WDR27: variants seen among roughly 807,000 people sequenced by gnomAD.
The protein encoded by WDR27 is WD repeat domain 27, also known as WD repeat-containing protein 27.
WDR27 carries 100 observed loss-of-function variants against 114.4 expected under a neutral mutation model. The ratio of observed to expected loss-of-function variants is 0.87; its 90% CI spans 0.74 to 1.03. The LOEUF is 1.03. Among genes scored for constraint, WDR27 ranks in the 50% least tolerant of loss-of-function variants. The probability of loss-of-function intolerance (pLI) is 0.00; values close to 1 mark genes in which losing one functional copy is unlikely to be tolerated. For synonymous variants in WDR27, 449 were observed against 423.1 expected, an observed-to-expected ratio of 1.06 and a Z score of -0.75; for missense variants, 1,129 against 1,092.9, an observed-to-expected ratio of 1.03 and a Z score of -0.47.
chr6:169,597,340 T>C (rs989133773), intron 23 of WDR27, among the ~76,000 whole-genome samples: 9 of 152,174 alleles, frequency 5.9e-5, no homozygotes, highest in South Asian at 4.1e-4. Context: ...ATTATGTTTT[T>C]TTTTCTTGAT....
chr6:169,683,815 A>G (rs1020102102), intron 2 of WDR27, among the ~76,000 whole-genome samples: 2 of 152,230 alleles, frequency 1.3e-5, no homozygotes, highest in African/African-American at 4.8e-5. Flanking sequence ...GGAGAATCCC[A>G]CAGTCCCTGC....
Position 169,638,564 on chromosome 6 carries a change from C to T in WDR27, c.1844G>A (p.Arg615His), listed in dbSNP as rs144128801. 3.8e-5 allele frequency: 62 copies of T among 1,610,822 alleles called. No individual in the cohort carries two copies. The South Asian group carries it at 4.4e-4, about 11-fold the overall frequency. ...CAGAAGCAGTGCGAGCTCTGCCCCA[C>T]GAGCCGACCACATTCGCAGGGTCCC... is the stretch of plus-strand genomic sequence containing the variant. Reference protein sequence around the residue: ...RDGTLRMWSARGAELALLLGK... With the variant: ...RDGTLRMWSAHGAELALLLGK... The change falls in exon 18 of 26, where the codon CGT (arginine) becomes CAT (histidine). Residue 615 changes from arginine to histidine, a missense_variant. Coordinates refer to ENST00000448612, the MANE Select transcript of WDR27 (RefSeq NM_182552.5).
intron 25 of WDR27, among the ~76,000 whole-genome samples, chr6:169,504,334 CAAGGGTAG>C (rs1791730209): frequency 6.6e-6 from 1 of 152,144 alleles, no homozygotes; most frequent in East Asian, 1.9e-4. Flanking sequence ...GTCCATGTGT[CAAGGGTAG>C]GACCAGGTGG....
chr6:169,659,265 C>A lies in WDR27; in HGVS notation c.1198-58G>T. 1.3e-6 allele frequency: 2 copies of A among 1,558,492 alleles called. No homozygotes were observed. The highest frequency in any genetic ancestry group is 1.2e-5 in the South Asian group (1 of 82,234). ...CACCACCCAGTAAAAGCAGACGAAA[C>A]GTGCATCCGCACACGTATCCTAACA... On this transcript the variant is annotated intron_variant, in intron 11 of 25. Transcript: ENST00000448612. This position sits in a 1 kb window ranked among gnomAD's most constrained non-coding sequence, Gnocchi z 4.3.
At chr6:169,487,573 A>G (rs1789104745) in intron 25 of WDR27, among the ~76,000 whole-genome samples, 1 of 152,206 alleles carries the variant, frequency 6.6e-6, no homozygotes, top group Non-Finnish European at 1.5e-5. Flanking sequence ...AGATATTGGC[A>G]TATAACCCAA....
At chr6:169,426,805 G>T in the WDR27 span, 1 of 152,692 alleles carries the variant, frequency 6.5e-6, no homozygotes. Flanking sequence ...GGACACAGAG[G>T]TGTGAGGGGC....
chr6:169,510,910 T>A lies in WDR27; in HGVS notation c.2646-53276A>T, dbSNP rs11961224. Among the ~76,000 whole-genome samples, 2 of 152,164 alleles carry A rather than the reference T, an allele frequency of 1.3e-5. 1 individual carries two copies. Among genetic ancestry groups the A allele is most frequent in the East Asian group, 3.9e-4 (2 of 5,194 alleles). On this transcript the variant is annotated intron_variant, in intron 25 of 25. Transcript: ENST00000448612. The stretch of plus-strand genomic sequence containing the variant: ...TTTCTTAGTGAATTCAACCTAAGAT[T>A]ACAAGGCAAAAAAAATATATATGCA...
chr6:169,590,565 G>A (rs1228724359), intron 23 of WDR27, among the ~76,000 whole-genome samples: 1 of 152,208 alleles, frequency 6.6e-6, no homozygotes, highest in Non-Finnish European at 1.5e-5. Context: ...GGCACGCAGG[G>A]CCACCTGGCC....
At chr6:169,655,896 G>A (rs996055641) in intron 13 of WDR27, among the ~76,000 whole-genome samples, 6 of 152,116 alleles carry the variant, frequency 3.9e-5, no homozygotes, top group Admixed American at 1.3e-4. Flanking sequence ...AATTTTTCTT[G>A]TATTTTTAGT....
Position 169,702,027 on chromosome 6 carries a change from G to A in WDR27, c.-484C>T. ...CAGCCGACCCACGCGAGCCGCTATG[G>A]TTACTAGCCCGCCGCCCCTCGCGCC... On this transcript the variant is annotated 5_prime_UTR_variant, in exon 1 of 26. Coordinates refer to ENST00000448612, the MANE Select transcript of WDR27 (RefSeq NM_182552.5). The A allele has an allele frequency of 2.2e-6, 1 of 455,864 alleles. No individual in the cohort carries two copies. Among genetic ancestry groups the A allele is most frequent in the East Asian group, 6.8e-5 (1 of 14,774 alleles). The allele number at this position is 455,864 out of a possible 1,614,324, so 28.2% of individuals were successfully genotyped here.
At chr6:169,631,957 C>G (rs1180870708) in intron 21 of WDR27, among the ~76,000 whole-genome samples, 1 of 152,072 alleles carries the variant, frequency 6.6e-6, no homozygotes, top group Non-Finnish European at 1.5e-5. Flanking sequence ...GAGGCCGAGG[C>G]AGGCTGATCA....
chr6:169,618,130 C>T (rs565066149), intron 21 of WDR27, among the ~76,000 whole-genome samples: 67 of 152,266 alleles, frequency 4.4e-4, no homozygotes, highest in Non-Finnish European at 8.4e-4. Flanking sequence ...CATTTCATTT[C>T]CTTTTTAAAA....
intron 1 of WDR27, among the ~76,000 whole-genome samples, chr6:169,693,168 A>T (rs1388902877): frequency 6.6e-6 from 1 of 152,210 alleles, no homozygotes; most frequent in Non-Finnish European, 1.5e-5. Context: ...ACAAGCCAGT[A>T]GGGATTGGGG....
intron 25 of WDR27, among the ~76,000 whole-genome samples, chr6:169,552,789 T>C (rs911321921): frequency 1.3e-5 from 2 of 152,246 alleles, no homozygotes; most frequent in Non-Finnish European, 2.9e-5. Flanking sequence ...TTCATGCATG[T>C]TGTCTGTAAC....
chr6:169,465,077 G>A (rs1041462404), intron 25 of WDR27, among the ~76,000 whole-genome samples: 3 of 151,940 alleles, frequency 2.0e-5, no homozygotes, highest in African/African-American at 7.3e-5. Context: ...TGACCAACAT[G>A]GTGAAACCCC....
chr6:169,568,521 G>A (rs943593672), intron 25 of WDR27, among the ~76,000 whole-genome samples: 2 of 152,180 alleles, frequency 1.3e-5, no homozygotes, highest in Non-Finnish European at 2.9e-5. Flanking sequence ...ACCTGCAGCT[G>A]TGGGAAATAA....
intron 25 of WDR27, among the ~76,000 whole-genome samples, chr6:169,524,095 T>C (rs193201309): frequency 6.6e-6 from 1 of 152,220 alleles, no homozygotes; most frequent in Non-Finnish European, 1.5e-5. Context: ...AGTTGCAGGA[T>C]ACACAATCAA....
rs550121685 is a variant in WDR27, at chr6:169,610,631, G to A, written c.2321+2928C>T. 7.9e-5 allele frequency among the ~76,000 whole-genome samples: 12 copies of A among 152,154 alleles called. No individual in the cohort carries two copies. The South Asian group carries it at 1.5e-3, about 18-fold the overall frequency. ...TACAAGTCAAGATGAGATTTGGGTGGGGACACAGCCAAACCATATCAACTA... is the reference window on the plus strand; with the variant it reads ...TACAAGTCAAGATGAGATTTGGGTGAGGACACAGCCAAACCATATCAACTA... On this transcript the variant is annotated intron_variant, in intron 22 of 25. Transcript: ENST00000448612.
At chr6:169,647,390 G>A (rs373317631) in intron 16 of WDR27, among the ~76,000 whole-genome samples, 7 of 152,344 alleles carry the variant, frequency 4.6e-5, no homozygotes, top group South Asian at 2.1e-4. Flanking sequence ...CAGAGGCCGC[G>A]TCTCCAGAGG....
Sources: gnomAD v4.1 joint callset for allele counts (sites outside exome capture counted in the v4.1 genomes callset) on GRCh38, gnomAD v4.1.1 for gene constraint, Gnocchi (gnomAD v3.1) non-coding constraint, MANE v1.5 for transcripts, NCBI Gene and HGNC (gene_info 2026-07-23, HGNC 2026-07-21) for gene names.